The following PLPP4 variants were observed in gnomAD, a reference collection of about 807,000 sequenced individuals.
The protein encoded by PLPP4 is phospholipid phosphatase 4.
Under a neutral mutation model 32.2 loss-of-function variants are expected in PLPP4, and 20 were observed. The ratio of observed to expected loss-of-function variants is 0.62; its 90% CI spans 0.44 to 0.90. The LOEUF (loss-of-function observed/expected upper bound fraction) is 0.90, where lower values mean the gene tolerates loss of function less well. Among genes scored for constraint, PLPP4 ranks in the 40% least tolerant of loss-of-function variants. PLPP4 has a pLI of 0.00. For missense variants in PLPP4, 257 were observed against 353.1 expected (o/e 0.73, Z 2.18); for synonymous variants, 127 against 133.0 (o/e 0.95, Z 0.31).
intron 1 of PLPP4, among the ~76,000 whole-genome samples, chr10:120,460,895 A>C (rs1048362367): frequency 6.6e-6 from 1 of 152,240 alleles, no homozygotes; most frequent in African/African-American, 2.4e-5. Context: ...GAAGTCACTC[A>C]GCTAGCAGGA....
At chr10:120,485,065 A>G (rs1211604121) in intron 1 of PLPP4, among the ~76,000 whole-genome samples, 1 of 152,256 alleles carries the variant, frequency 6.6e-6, no homozygotes, top group East Asian at 1.9e-4. Flanking sequence ...ATTCTATTCT[A>G]GAGCTTCCAG....
chr10:120,460,101 A>G (rs781224056), intron 1 of PLPP4, among the ~76,000 whole-genome samples: 7 of 152,228 alleles, frequency 4.6e-5, no homozygotes, highest in Non-Finnish European at 1.0e-4. Flanking sequence ...GGAAATTAGT[A>G]GAGTAATGCA....
chr10:120,541,629 C>T (rs1847344911), intron 5 of PLPP4, among the ~76,000 whole-genome samples: 1 of 152,174 alleles, frequency 6.6e-6, no homozygotes, highest in Non-Finnish European at 1.5e-5. Flanking sequence ...CATGTCTCCA[C>T]TTATGGTATT....
At chr10:120,528,354 G>A (rs1203835729) in intron 5 of PLPP4, among the ~76,000 whole-genome samples, 2 of 152,074 alleles carry the variant, frequency 1.3e-5, no homozygotes, top group Admixed American at 6.5e-5. Context: ...GATTACAGAC[G>A]TGAGCCACCA....
intron 1 of PLPP4, among the ~76,000 whole-genome samples, chr10:120,498,368 A>G (rs1033814501): frequency 2.6e-5 from 4 of 152,342 alleles, no homozygotes; most frequent in Admixed American, 6.5e-5. Context: ...ATTGATAACA[A>G]TGAAGAAAAT....
At chr10:120,581,117 G>A (rs910480270) in intron 6 of PLPP4, 58 of 1,227,776 alleles carry the variant, frequency 4.7e-5, no homozygotes, top group Admixed American at 1.4e-4. Flanking sequence ...GGCATTCTCA[G>A]TCAGGACTTC....
intron 1 of PLPP4, among the ~76,000 whole-genome samples, chr10:120,483,169 C>T (rs553757347): frequency 6.6e-6 from 1 of 152,286 alleles, no homozygotes; most frequent in East Asian, 1.9e-4. Flanking sequence ...CTTGGACTTA[C>T]ACCAGTGGTT....
chr10:120,518,148 G>A (rs1005096631), intron 3 of PLPP4, among the ~76,000 whole-genome samples: 1 of 152,164 alleles, frequency 6.6e-6, no homozygotes, highest in Non-Finnish European at 1.5e-5. Context: ...GACAATCTGT[G>A]CTGCATCTGG....
At chr10:120,524,739 C>G (rs1167407496) in intron 5 of PLPP4, among the ~76,000 whole-genome samples, 1 of 152,180 alleles carries the variant, frequency 6.6e-6, no homozygotes, top group African/African-American at 2.4e-5. Context: ...ATTGGAAAAG[C>G]AGAGACCACA....
At chr10:120,562,576 A>T (rs1458530115) in intron 5 of PLPP4, among the ~76,000 whole-genome samples, 2 of 152,194 alleles carry the variant, frequency 1.3e-5, no homozygotes, top group African/African-American at 4.8e-5. Context: ...ATTCTTTATC[A>T]GGTTCCTTCC....
intron 5 of PLPP4, among the ~76,000 whole-genome samples, chr10:120,561,939 G>A (rs7088192): frequency 0.091 from 13,805 of 152,106 alleles, 915 homozygotes; most frequent in African/African-American, 0.17. Flanking sequence ...GCTTTTCTTC[G>A]GAAGTGTCTT....
At chr10:120,506,681 C>T (rs1246448252) in intron 2 of PLPP4, among the ~76,000 whole-genome samples, 1 of 152,102 alleles carries the variant, frequency 6.6e-6, no homozygotes, top group East Asian at 1.9e-4. Flanking sequence ...TTAGAGGAGC[C>T]AATTCGGCAA....
chr10:120,588,550 G>T (rs962975873), intron 6 of PLPP4, among the ~76,000 whole-genome samples: 2 of 152,206 alleles, frequency 1.3e-5, no homozygotes, highest in African/African-American at 4.8e-5. Flanking sequence ...CAGAGACCCT[G>T]GCATCTGCTG....
At chr10:120,473,951 G>A (rs1843778726) in intron 1 of PLPP4, among the ~76,000 whole-genome samples, 1 of 152,148 alleles carries the variant, frequency 6.6e-6, no homozygotes, top group African/African-American at 2.4e-5. Flanking sequence ...AGCAATGTGA[G>A]AACGAACTGA....
At chr10:120,513,548 G>A (rs1845813397) in intron 2 of PLPP4, among the ~76,000 whole-genome samples, 1 of 152,222 alleles carries the variant, frequency 6.6e-6, no homozygotes, top group Admixed American at 6.5e-5. Flanking sequence ...CAGAGAGATA[G>A]GAGTTGGAGG....
chr10:120,548,242 C>T (rs575722101), intron 5 of PLPP4, among the ~76,000 whole-genome samples: 60 of 152,230 alleles, frequency 3.9e-4, no homozygotes, highest in African/African-American at 1.3e-3. Flanking sequence ...CCTTCACCCT[C>T]AAATAGGCCT....
chr10:120,566,653 C>G (rs535788522), intron 5 of PLPP4, among the ~76,000 whole-genome samples: 17 of 151,784 alleles, frequency 1.1e-4, no homozygotes, highest in African/African-American at 4.1e-4. Context: ...CTCCCGAGTT[C>G]AAGCAATTAT....
rs968261304 is a variant in PLPP4, at chr10:120,590,919, C to A, written c.*1417C>A. Reference sequence around the variant, plus strand: ...AAGTAGCTAGGACTACAGGTGCCCGCCACCACACCTGGCTAATTTTTGTAT... The same window carrying A: ...AAGTAGCTAGGACTACAGGTGCCCGACACCACACCTGGCTAATTTTTGTAT... On this transcript the variant is annotated 3_prime_UTR_variant, in exon 7 of 7. Transcript: ENST00000398250. 6.6e-6 allele frequency among the ~76,000 whole-genome samples: 1 copy of A among 152,058 alleles called. No homozygotes were observed. The highest frequency in any genetic ancestry group is 2.4e-5 in the African/African-American group (1 of 41,386).
intron 1 of PLPP4, among the ~76,000 whole-genome samples, chr10:120,479,097 G>A (rs1218773833): frequency 2.0e-5 from 3 of 152,066 alleles, no homozygotes; most frequent in Non-Finnish European, 4.4e-5. Context: ...ATGGTGGTGG[G>A]CGCCTGTAGT....
Sources: gnomAD v4.1 joint callset for allele counts (sites outside exome capture counted in the v4.1 genomes callset) on GRCh38, gnomAD v4.1.1 for gene constraint, MANE v1.5 for transcripts, NCBI Gene and HGNC (gene_info 2026-07-23, HGNC 2026-07-21) for gene names.